EBF3: variants seen among roughly 807,000 people sequenced by gnomAD.
The protein encoded by EBF3 is transcription factor COE3.
EBF3 carries 18 observed loss-of-function variants against 77.1 expected under a neutral mutation model. The ratio of observed to expected loss-of-function variants is 0.23; its 90% CI spans 0.16 to 0.35. The LOEUF (loss-of-function observed/expected upper bound fraction) is 0.35. EBF3 is among the 10% of genes least tolerant of loss of function. The pLI is 1.00. For missense variants in EBF3, 558 were observed against 860.0 expected (o/e 0.65, Z 4.39); for synonymous variants, 350 against 343.5 (o/e 1.02, Z -0.21).
At position 129,842,491 on chromosome 10, in the gene EBF3, C is replaced by T. The variant is rs182503290; in HGVS notation, c.1195-198G>A. 2.6e-5 allele frequency among the ~76,000 whole-genome samples: 4 copies of T among 152,286 alleles called. No homozygotes were observed. The highest frequency in any genetic ancestry group is 5.9e-5 in the Non-Finnish European group (4 of 68,024). On this transcript the variant is annotated intron_variant, in intron 12 of 16. Transcript: ENST00000440978. The surrounding 1 kb of genome is among the most constrained non-coding windows in gnomAD (Gnocchi z 4.4). The stretch of plus-strand genomic sequence containing the variant: ...AAAGTGTGCAATATCTGGCTGGGCA[C>T]GGTGGCTCACTCCTGTAATCCCAGC...
Position 129,916,530 on chromosome 10 carries a change from G to A in EBF3, c.555-38681C>T, listed in dbSNP as rs188621606. On this transcript the variant is annotated intron_variant, in intron 6 of 16. Coordinates refer to ENST00000440978, the MANE Select transcript of EBF3 (RefSeq NM_001375380.1). ...TGTTTCCGAAATTAGGCACAGCCTA[G>A]AGAAGCGTTTGAGAGCAGTGGAGTT... is the stretch of plus-strand genomic sequence containing the variant. Among the ~76,000 whole-genome samples the A allele has an allele frequency of 2.6e-5, 4 of 152,326 alleles. No homozygotes were observed. The East Asian group carries it at 7.7e-4, about 29-fold the overall frequency.
Position 129,897,663 on chromosome 10 carries a change from C to G in EBF3, c.555-19814G>C, listed in dbSNP as rs1589813643. On this transcript the variant is annotated intron_variant, in intron 6 of 16. Coordinates refer to ENST00000440978, the MANE Select transcript of EBF3 (RefSeq NM_001375380.1). The surrounding 1 kb of genome is among the most constrained non-coding windows in gnomAD (Gnocchi z 4.6). The stretch of plus-strand genomic sequence containing the variant: ...GTGCCTGCCTCAGAGCCCTGACGGA[C>G]AGCTGACATTCTCCTATTTATTATC... Among the ~76,000 whole-genome samples the G allele has an allele frequency of 6.6e-6, 1 of 152,216 alleles. No homozygotes were observed. Among genetic ancestry groups the G allele is most frequent in the East Asian group, 1.9e-4 (1 of 5,194 alleles).
At chr10:129,942,857 A>AG (rs1274562679) in intron 6 of EBF3, among the ~76,000 whole-genome samples, 5 of 152,316 alleles carry the variant, frequency 3.3e-5, no homozygotes, top group African/African-American at 1.2e-4. Flanking sequence ...TTGGGGTGGG[A>AG]GGGACAGAAA....
At chr10:129,941,941 A>G (rs74685958) in intron 6 of EBF3, among the ~76,000 whole-genome samples, 1 of 152,318 alleles carries the variant, frequency 6.6e-6, no homozygotes, top group East Asian at 1.9e-4. Flanking sequence ...ACAGGGAGCA[A>G]AGTGAGCTCA....
chr10:129,960,628 C>CTTTTTTTTTT (rs34551386), intron 4 of EBF3, among the ~76,000 whole-genome samples: 1 of 115,246 alleles, frequency 8.7e-6, no homozygotes, highest in Non-Finnish European at 1.8e-5. Context: ...TATTTCTTTC[C>CTTTTTTTTTT]TTTTTTTTTT....
intron 6 of EBF3, among the ~76,000 whole-genome samples, chr10:129,907,039 T>A (rs1286223964): frequency 6.6e-6 from 1 of 152,220 alleles, no homozygotes; most frequent in Non-Finnish European, 1.5e-5. Context: ...TTGATTTTCC[T>A]TCAGAGTGCT....
chr10:129,849,637 C>A (rs1176283225), intron 10 of EBF3, among the ~76,000 whole-genome samples: 3 of 152,190 alleles, frequency 2.0e-5, no homozygotes, highest in Admixed American at 2.0e-4. Flanking sequence ...GGAAGCCTCG[C>A]ACGTACACTC....
intron 6 of EBF3, among the ~76,000 whole-genome samples, chr10:129,883,179 G>A (rs570328350): frequency 2.0e-5 from 3 of 152,102 alleles, no homozygotes; most frequent in East Asian, 1.9e-4. Context: ...GCTTGAAAAC[G>A]TGAGTCACTG....
intron 10 of EBF3, among the ~76,000 whole-genome samples, chr10:129,851,495 CA>C (rs1012090152): frequency 1.1e-4 from 16 of 152,082 alleles, no homozygotes; most frequent in Admixed American, 7.2e-4. Flanking sequence ...GCCTTAAACA[CA>C]ACAAAAACAA....
rs1852901432 is a variant in EBF3, at chr10:129,877,840, T to C, written c.564A>G (p.Leu188=). The C allele has an allele frequency of 1.9e-6, 3 of 1,612,096 alleles. No homozygotes were observed. Among genetic ancestry groups the C allele is most frequent in the East Asian group, 2.2e-5 (1 of 44,880 alleles). Residue 188 remains leucine (L), a synonymous_variant, in exon 7 of 17, where the codon CTA becomes CTG. Transcript: ENST00000440978. ...SDPVIIDRFF[L]KFFLKCNQNC... is the part of the protein sequence containing the mutation. ...TCTGATTGCACTTGAGGAAAAACTT[T>C]AGAAAGAATCTATAAAAAATACAAA...
chr10:129,933,225 C>T (rs900241764), intron 6 of EBF3, among the ~76,000 whole-genome samples: 5 of 152,160 alleles, frequency 3.3e-5, no homozygotes, highest in Admixed American at 6.5e-5. Context: ...CACACACATA[C>T]GGGCACCAAG....
rs994304489 is a variant in EBF3, at chr10:129,841,710, G to A, written c.1372+406C>T. Among the ~76,000 whole-genome samples, 1 of 152,114 alleles carries A rather than the reference G, an allele frequency of 6.6e-6. No individual in the cohort carries two copies. The highest frequency in any genetic ancestry group is 2.4e-5 in the African/African-American group (1 of 41,408). ...TGGGGAAATGGGGGTCTGTCTCCAT[G>A]GATTCGTTCCAAACTTAGACCCAAA... is the stretch of plus-strand genomic sequence containing the variant. On this transcript the variant is annotated intron_variant, in intron 13 of 16. Coordinates refer to ENST00000440978, the MANE Select transcript of EBF3 (RefSeq NM_001375380.1). This position sits in a 1 kb window ranked among gnomAD's most constrained non-coding sequence, Gnocchi z 4.6.
chr10:129,904,030 C>A (rs1263448497), intron 6 of EBF3, among the ~76,000 whole-genome samples: 1 of 152,154 alleles, frequency 6.6e-6, no homozygotes, highest in African/African-American at 2.4e-5. Context: ...AAGACCATGA[C>A]CCAAGTTTCC....
intron 8 of EBF3, among the ~76,000 whole-genome samples, chr10:129,868,981 T>C (rs1212216231): frequency 6.6e-6 from 1 of 152,168 alleles, no homozygotes; most frequent in Non-Finnish European, 1.5e-5. Context: ...CTCTACCCTT[T>C]AGGTGAGCTG....
intron 10 of EBF3, among the ~76,000 whole-genome samples, chr10:129,860,344 G>A (rs950388333): frequency 1.3e-5 from 2 of 151,912 alleles, no homozygotes; most frequent in Non-Finnish European, 2.9e-5. Flanking sequence ...GAAGAGGGCC[G>A]GGCCCGCCTC....
intron 4 of EBF3, among the ~76,000 whole-genome samples, chr10:129,959,382 C>G (rs1004331752): frequency 4.6e-5 from 7 of 152,008 alleles, no homozygotes; most frequent in African/African-American, 1.7e-4. Flanking sequence ...CGGGCCCCTT[C>G]GGCATTCCGC....
Position 129,846,108 on chromosome 10 carries a change from T to TGTGTG in EBF3, c.1128+2283_1128+2284insCACAC, listed in dbSNP as rs1850440436. On this transcript the variant is annotated intron_variant, in intron 11 of 16. Coordinates refer to ENST00000440978, the MANE Select transcript of EBF3 (RefSeq NM_001375380.1). ...ATTGCCTTTATTTTCATTCTGGGCT[T>TGTGTG]TGTGTGTGTGTGTGTGTGTGTGTGT... Among the ~76,000 whole-genome samples the TGTGTG allele has an allele frequency of 2.9e-5, 4 of 139,608 alleles. No individual in the cohort carries two copies. In the South Asian group the frequency reaches 9.7e-4, roughly 34 times the overall value. 91.6% of individuals were successfully genotyped at this position (139,608 alleles called of 152,430 possible).
chr10:129,839,343 G>A (rs1201951170), intron 15 of EBF3, 148 bp from the exon 16 acceptor site: 6 of 387,572 alleles, frequency 1.5e-5, no homozygotes, highest in Admixed American at 1.3e-4. Flanking sequence ...AAGTGCCTGC[G>A]GGCCTCAGCA....
chr10:129,880,413 A>G (rs1223482493), intron 6 of EBF3, among the ~76,000 whole-genome samples: 1 of 151,974 alleles, frequency 6.6e-6, no homozygotes, highest in African/African-American at 2.4e-5. Flanking sequence ...GCATACACAA[A>G]TGCATGCACA....
Sources: allele counts gnomAD v4.1 joint callset (sites outside exome capture counted in the v4.1 genomes callset), GRCh38; gene constraint gnomAD v4.1.1; non-coding constraint Gnocchi (gnomAD v3.1); transcripts MANE v1.5; gene names NCBI Gene and HGNC (gene_info 2026-07-23, HGNC 2026-07-21).